Variants in RGS7 observed in about 807,000 individuals in gnomAD.
RGS7 encodes the protein regulator of G-protein signaling 7.
In RGS7, 27 loss-of-function variants were observed where a neutral mutation model predicts 81.1. The observed-to-expected ratio is 0.33, with a 90% CI of 0.25 to 0.46. The LOEUF (loss-of-function observed/expected upper bound fraction) is 0.46, where lower values mean the gene tolerates loss of function less well. Ranked by LOEUF, RGS7 falls within the 20% of genes least tolerant of loss-of-function variation. RGS7 has a pLI of 1.00. For missense variants in RGS7, 396 were observed against 607.4 expected (o/e 0.65, Z 3.66); for synonymous variants, 208 against 207.7 (o/e 1.00, Z -0.01).
intron 9 of RGS7, among the ~76,000 whole-genome samples, chr1:240,847,712 A>G (rs1263235526): frequency 6.6e-6 from 1 of 152,226 alleles, no homozygotes; most frequent in Non-Finnish European, 1.5e-5. Context: ...GAGTATGCCA[A>G]AAATCCATAA....
At chr1:241,152,768 C>A (rs1208024809) in intron 2 of RGS7, among the ~76,000 whole-genome samples, 1 of 152,220 alleles carries the variant, frequency 6.6e-6, no homozygotes, top group South Asian at 2.1e-4. Flanking sequence ...TCCTTCTCCT[C>A]CCATGGTGGC....
At chr1:241,037,278 C>A (rs141822450) in intron 3 of RGS7, among the ~76,000 whole-genome samples, 1 of 152,218 alleles carries the variant, frequency 6.6e-6, no homozygotes, top group Non-Finnish European at 1.5e-5. Flanking sequence ...AATACATGTT[C>A]CTACATGTAT....
Position 241,267,955 on chromosome 1 carries a change from G to GT in RGS7, c.78+87743dup, listed in dbSNP as rs1372037979. On this transcript the variant is annotated intron_variant, in intron 2 of 18. Transcript: ENST00000440928. ...GAATATGCCTTTCCTTTTAGAGGTT[G>GT]TTCTAAAATGTCTGATTCTAGAATG... 5.9e-5 allele frequency among the ~76,000 whole-genome samples: 9 copies of GT among 152,202 alleles called. No homozygotes were observed. In the East Asian group the frequency reaches 1.4e-3, roughly 23 times the overall value.
chr1:241,168,191 A>G (rs1260698801), intron 2 of RGS7, among the ~76,000 whole-genome samples: 4 of 152,196 alleles, frequency 2.6e-5, no homozygotes, highest in Non-Finnish European at 5.9e-5. Flanking sequence ...ATGATGAGAA[A>G]GAGGATGGGG....
chr1:241,128,524 A>T (rs564687885), intron 2 of RGS7, among the ~76,000 whole-genome samples: 1 of 147,928 alleles, frequency 6.8e-6, no homozygotes, highest in Admixed American at 6.7e-5. Flanking sequence ...GGCGGAGGTT[A>T]CAGTGAGCCG....
At chr1:240,891,755 G>A (rs1191695870) in intron 6 of RGS7, among the ~76,000 whole-genome samples, 1 of 152,208 alleles carries the variant, frequency 6.6e-6, no homozygotes, top group Admixed American at 6.5e-5. Context: ...ACATTTCACA[G>A]GTAAGTGGAT....
chr1:241,229,429 C>T (rs374796513), intron 2 of RGS7, among the ~76,000 whole-genome samples: 2 of 152,208 alleles, frequency 1.3e-5, no homozygotes, highest in Admixed American at 6.5e-5. Flanking sequence ...AGTCCTCACG[C>T]GTGTAGCTTC....
chr1:241,341,801 T>C (rs1479785680), intron 2 of RGS7, among the ~76,000 whole-genome samples: 1 of 151,928 alleles, frequency 6.6e-6, no homozygotes, highest in East Asian at 1.9e-4. Flanking sequence ...ACTTGACCAA[T>C]TTATACAGCT....
At chr1:241,064,943 A>C (rs2061975418) in intron 3 of RGS7, among the ~76,000 whole-genome samples, 1 of 152,102 alleles carries the variant, frequency 6.6e-6, no homozygotes, top group Non-Finnish European at 1.5e-5. Context: ...AAAAGGATGC[A>C]AGAAAAATAT....
intron 4 of RGS7, among the ~76,000 whole-genome samples, chr1:240,939,316 A>G (rs1677167589): frequency 6.6e-6 from 1 of 152,348 alleles, no homozygotes; most frequent in Non-Finnish European, 1.5e-5. Context: ...TGATTTGATC[A>G]TTGCACATTT....
intron 3 of RGS7, among the ~76,000 whole-genome samples, chr1:241,030,850 C>CTGTG (rs1204025677): frequency 6.6e-6 from 1 of 152,144 alleles, no homozygotes; most frequent in Non-Finnish European, 1.5e-5. Flanking sequence ...CAGTCCAAGG[C>CTGTG]TGTGATCAGG....
chr1:240,895,934 T>A (rs1161255861), intron 6 of RGS7, among the ~76,000 whole-genome samples: 1 of 152,164 alleles, frequency 6.6e-6, no homozygotes, highest in Admixed American at 6.5e-5. Flanking sequence ...TTTCTCCACA[T>A]CCTCTCCAGC....
chr1:241,146,690 C>A (rs950501617), intron 2 of RGS7, among the ~76,000 whole-genome samples: 1 of 152,144 alleles, frequency 6.6e-6, no homozygotes, highest in Non-Finnish European at 1.5e-5. Context: ...CTTTTCCTCT[C>A]CAAAATATGC....
At chr1:241,315,914 T>C (rs1420305204) in intron 2 of RGS7, among the ~76,000 whole-genome samples, 2 of 152,258 alleles carry the variant, frequency 1.3e-5, no homozygotes, top group Non-Finnish European at 2.9e-5. Flanking sequence ...ATAAAGGTTG[T>C]TACATTTTGT....
chr1:240,789,597 G>A (rs377325018), intron 18 of RGS7, among the ~76,000 whole-genome samples: 10 of 152,296 alleles, frequency 6.6e-5, no homozygotes, highest in African/African-American at 1.7e-4. Flanking sequence ...TATCTTTTAC[G>A]GTCGTAGCTG....
chr1:240,971,619 C>T (rs372852003), intron 4 of RGS7, among the ~76,000 whole-genome samples: 7 of 152,220 alleles, frequency 4.6e-5, no homozygotes, highest in East Asian at 1.9e-4. Context: ...ATAAAATGCA[C>T]GTTTGCAAGA....
intron 18 of RGS7, among the ~76,000 whole-genome samples, chr1:240,780,509 C>T (rs16840593): frequency 0.029 from 4,349 of 148,868 alleles, 206 homozygotes; most frequent in African/African-American, 0.1. Context: ...CATCAGTACA[C>T]GTTGTTGAGG....
At chr1:241,329,505 T>C (rs750111025) in intron 2 of RGS7, among the ~76,000 whole-genome samples, 1 of 152,178 alleles carries the variant, frequency 6.6e-6, no homozygotes, top group South Asian at 2.1e-4. Context: ...TAATAAAACC[T>C]GTCTCCTTCC....
At chr1:241,019,087 G>A (rs564922006) in intron 3 of RGS7, among the ~76,000 whole-genome samples, 92 of 152,266 alleles carry the variant, frequency 6.0e-4, no homozygotes, top group South Asian at 4.1e-3. Context: ...CCTACAATAT[G>A]TGAGGCTATC....
Sources: allele counts gnomAD v4.1 joint callset (sites outside exome capture counted in the v4.1 genomes callset), GRCh38; gene constraint gnomAD v4.1.1; transcripts MANE v1.5; gene names NCBI Gene and HGNC (gene_info 2026-07-23, HGNC 2026-07-21).